ARID4B: variants seen among roughly 807,000 people sequenced by gnomAD.
ARID4B encodes the protein AT-rich interaction domain 4B, also known as AT-rich interactive domain-containing protein 4B.
ARID4B carries 26 observed loss-of-function variants against 147.5 expected under a neutral mutation model. That is an observed-to-expected ratio of 0.18 (90% CI 0.13 to 0.24). The LOEUF (loss-of-function observed/expected upper bound fraction) is 0.24. Ranked by LOEUF, ARID4B falls within the 10% of genes least tolerant of loss-of-function variation. The pLI, the probability that ARID4B is intolerant of heterozygous loss-of-function variation, is 1.00. For synonymous variants in ARID4B, 512 were observed against 507.9 expected (o/e 1.01, Z -0.11); for missense variants, 1,179 against 1,511.5 (o/e 0.78, Z 3.65).
chr1:235,245,363 A>G (rs527696357), intron 7 of ARID4B, among the ~76,000 whole-genome samples: 60 of 152,310 alleles, frequency 3.9e-4, no homozygotes, highest in African/African-American at 1.4e-3. Context: ...ACAGATCATA[A>G]TTTTTAGTCA....
chr1:235,278,387 A>T (rs1186295230), intron 2 of ARID4B, among the ~76,000 whole-genome samples: 1 of 152,102 alleles, frequency 6.6e-6, no homozygotes, highest in Non-Finnish European at 1.5e-5. Context: ...CCCCACTGAG[A>T]TCATGAAAAA....
chr1:235,196,783 C>T (rs368002611), intron 17 of ARID4B, among the ~76,000 whole-genome samples: 21 of 142,868 alleles, frequency 1.5e-4, no homozygotes, highest in African/African-American at 4.5e-4. Flanking sequence ...AACCCAGGAG[C>T]GGAGCTTGCA....
intron 17 of ARID4B, among the ~76,000 whole-genome samples, chr1:235,206,204 A>C (rs1383983132): frequency 6.6e-6 from 1 of 152,208 alleles, no homozygotes; most frequent in Non-Finnish European, 1.5e-5. Flanking sequence ...TATTAGGAGA[A>C]TAGATATGAA....
At position 235,181,808 on chromosome 1, in the gene ARID4B, T is replaced by C; in HGVS notation, c.3111A>G (p.Glu1037=). The C allele has an allele frequency of 1.2e-6, 2 of 1,614,180 alleles. No homozygotes were observed. The highest frequency in any genetic ancestry group is 1.7e-6 in the Non-Finnish European group (2 of 1,180,028). Residue 1037 remains glutamate, a synonymous_variant, in exon 20 of 24, where the codon GAA becomes GAG. Coordinates refer to ENST00000264183, the MANE Select transcript of ARID4B (RefSeq NM_016374.6). ...PESPSSVTVT[E]GSRQQSSVTV... is the part of the protein sequence containing the mutation. ...TTACAGAAGACTGCTGCCGGCTGCC[T>C]TCTGTTACAGTGACTGATGAAGGCG...
rs761611670 is a variant in ARID4B at position 235,219,887 on chromosome 1, T to C, written c.1489A>G (p.Asn497Asp). The change falls in exon 16 of 24, where the codon AAT becomes GAT. Residue 497 changes from asparagine (N) to aspartate (D), a missense_variant. This residue lies in a region of ARID4B where 204 missense variants were observed against 210.9 expected (regional missense o/e 0.97). Coordinates refer to ENST00000264183, the MANE Select transcript of ARID4B (RefSeq NM_016374.6). The part of the protein sequence containing the change: ...KEVNIKKPED[N>D]ENLDDKDDDT... ...TCATCTTTGTCATCCAGATTTTCAT[T>C]GTCTTCTGGTTTTTTAATGTTAACT... The C allele has an allele frequency of 1.2e-6, 2 of 1,601,794 alleles. No individual in the cohort carries two copies. Among genetic ancestry groups the C allele is most frequent in the Admixed American group, 3.4e-5 (2 of 59,262 alleles).
chr1:235,266,275 T>C (rs1275069728), intron 2 of ARID4B, among the ~76,000 whole-genome samples: 1 of 152,186 alleles, frequency 6.6e-6, no homozygotes, highest in Non-Finnish European at 1.5e-5. Context: ...TAAGATTCTT[T>C]TGACCAACAC....
chr1:235,303,376 G>A (rs1381691746), intron 2 of ARID4B, among the ~76,000 whole-genome samples: 4 of 150,186 alleles, frequency 2.7e-5, no homozygotes, highest in Non-Finnish European at 5.9e-5. Context: ...AACTAGAGGT[G>A]GGGGAAAAAA....
At chr1:235,208,923 T>C (rs1666511766) in intron 17 of ARID4B, among the ~76,000 whole-genome samples, 1 of 152,208 alleles carries the variant, frequency 6.6e-6, no homozygotes, top group South Asian at 2.1e-4. Context: ...TGCCTAGTGC[T>C]TGGTGACATA....
Position 235,173,783 on chromosome 1 carries a change from T to A in ARID4B, c.3665-1019A>T, listed in dbSNP as rs1286259655. On this transcript the variant is annotated intron_variant, in intron 22 of 23. Transcript: ENST00000264183. ...AAAAAAAAAAAAAAATATATATATA[T>A]ATATATATATATATATATATATATA... Among the ~76,000 whole-genome samples the A allele has an allele frequency of 1.4e-3, 77 of 53,190 alleles. 1 individual carries two copies. Among genetic ancestry groups the A allele is most frequent in the African/African-American group, 7.1e-3 (65 of 9,118 alleles). 34.9% of individuals were successfully genotyped at this position (53,190 alleles called of 152,430 possible).
At chr1:235,173,838 T>C (rs1486747614) in intron 22 of ARID4B, among the ~76,000 whole-genome samples, 1 of 131,608 alleles carries the variant, frequency 7.6e-6, no homozygotes, top group African/African-American at 2.8e-5. Context: ...TATATATATA[T>C]ACCTTTTTTT....
intron 7 of ARID4B, among the ~76,000 whole-genome samples, chr1:235,243,557 T>A (rs575317381): frequency 6.6e-6 from 1 of 152,294 alleles, no homozygotes; most frequent in Admixed American, 6.5e-5. Flanking sequence ...CATAATACTC[T>A]AACAGCCAAT....
chr1:235,307,548 T>C (rs1020788555), intron 2 of ARID4B, among the ~76,000 whole-genome samples: 1 of 152,168 alleles, frequency 6.6e-6, no homozygotes, highest in African/African-American at 2.4e-5. Context: ...CTAAAGATTC[T>C]TCAGCCAAAG....
intron 17 of ARID4B, among the ~76,000 whole-genome samples, chr1:235,205,444 G>A (rs1666243589): frequency 6.6e-6 from 1 of 152,034 alleles, no homozygotes; most frequent in Non-Finnish European, 1.5e-5. Flanking sequence ...ACCCAAAGAG[G>A]TCACATATAT....
chr1:235,308,874 T>G (rs1043968781), intron 2 of ARID4B, among the ~76,000 whole-genome samples: 1 of 152,196 alleles, frequency 6.6e-6, no homozygotes, highest in Non-Finnish European at 1.5e-5. Flanking sequence ...GTGCCGAGAG[T>G]GCAGCCTCTG....
At chr1:235,242,722 G>T (rs1198785680) in intron 7 of ARID4B, among the ~76,000 whole-genome samples, 1 of 152,134 alleles carries the variant, frequency 6.6e-6, no homozygotes, top group African/African-American at 2.4e-5. Flanking sequence ...TAAGACTTCA[G>T]ATTTCACAGT....
intron 12 of ARID4B, 122 bp from the exon 13 acceptor site, chr1:235,223,382 T>TACACGTATATATATATATACAC: frequency 4.7e-6 from 1 of 213,204 alleles, no homozygotes. Flanking sequence ...TATATATATA[T>TACACGTATATATATATATACAC]ACACGTATAT....
In ARID4B at chr1:235,220,284, T is replaced by G. The variant is rs1667369071; in HGVS notation, c.1407+18A>C. On this transcript the variant is annotated intron_variant, in intron 15 of 23. Transcript: ENST00000264183. The stretch of plus-strand genomic sequence containing the variant: ...TATACCAAAGAAAGCAAAAGACAAT[T>G]AACAATATCTGATTTACCAGAGAGG... 1 of 1,575,830 alleles carries G rather than the reference T, an allele frequency of 6.3e-7. No homozygotes were observed. The highest frequency in any genetic ancestry group is 8.6e-7 in the Non-Finnish European group (1 of 1,165,356).
intron 2 of ARID4B, among the ~76,000 whole-genome samples, chr1:235,265,060 C>CAAA (rs57988002): frequency 8.3e-6 from 1 of 120,330 alleles, no homozygotes; most frequent in African/African-American, 3.0e-5. Context: ...AACTTCGTCT[C>CAAA]AAAAAAAAAA....
intron 4 of ARID4B, 69 bp from the exon 5 acceptor site, chr1:235,255,819 T>G: frequency 5.4e-6 from 6 of 1,114,524 alleles, no homozygotes; most frequent in Non-Finnish European, 7.9e-6. Flanking sequence ...CCTGGGTTTG[T>G]TTTCTTTTAA....
Sources: gnomAD v4.1 joint callset for allele counts (sites outside exome capture counted in the v4.1 genomes callset) on GRCh38, gnomAD v4.1.1 for gene constraint, gnomAD v4.1.1 regional missense constraint, MANE v1.5 for transcripts, NCBI Gene and HGNC (gene_info 2026-07-23, HGNC 2026-07-21) for gene names.